Variants in SYN3 observed in about 807,000 individuals in gnomAD.
SYN3 encodes the protein synapsin-3.
Under a neutral mutation model 65.8 loss-of-function variants are expected in SYN3, and 35 were observed. The ratio of observed to expected loss-of-function variants is 0.53; its 90% CI spans 0.41 to 0.70. The LOEUF (loss-of-function observed/expected upper bound fraction) is 0.70. SYN3 is among the 30% of genes least tolerant of loss of function. The pLI is 0.00. For synonymous variants in SYN3, 270 were observed against 292.9 expected, an observed-to-expected ratio of 0.92 and a Z score of 0.80; for missense variants, 680 against 749.0, an observed-to-expected ratio of 0.91 and a Z score of 1.08.
chr22:32,732,930 C>A (rs1203955025), intron 6 of SYN3, among the ~76,000 whole-genome samples: 1 of 152,098 alleles, frequency 6.6e-6, no homozygotes, highest in African/African-American at 2.4e-5. Flanking sequence ...TGGAAAAAAT[C>A]AAAACAAGAC....
chr22:32,527,849 G>GCAT, intron 12 of SYN3, 69 bp downstream of exon 12: 4 of 1,347,418 alleles, frequency 3.0e-6, no homozygotes, highest in Non-Finnish European at 4.1e-6. Flanking sequence ...GGAATCACAT[G>GCAT]TGGATCCCTC....
chr22:32,890,679 C>T (rs750737724), intron 4 of SYN3, among the ~76,000 whole-genome samples: 3 of 151,906 alleles, frequency 2.0e-5, no homozygotes, highest in Non-Finnish European at 4.4e-5. Context: ...CGCGCCCGGC[C>T]GATTTAGCAC....
chr22:32,781,032 T>G (rs1011949485), intron 6 of SYN3, among the ~76,000 whole-genome samples: 1 of 147,318 alleles, frequency 6.8e-6, no homozygotes, highest in South Asian at 2.2e-4. Context: ...TCTCTCTTTT[T>G]TCTTTCTTTC....
intron 6 of SYN3, among the ~76,000 whole-genome samples, chr22:32,714,124 A>G (rs534176101): frequency 1.3e-5 from 2 of 152,290 alleles, no homozygotes; most frequent in East Asian, 3.9e-4. Context: ...TAGCTTTTCC[A>G]TGGAAAAGTG....
Position 32,518,251 on chromosome 22 carries a change from G to A in SYN3, c.1402C>T (p.Pro468Ser). 6.2e-7 allele frequency: 1 copy of A among 1,613,348 alleles called. No individual in the cohort carries two copies. Among genetic ancestry groups the A allele is most frequent in the Non-Finnish European group, 8.5e-7 (1 of 1,179,664 alleles). The part of the protein sequence containing the change: ...QQRLSPQGQQ[P>S]LSPQSGSPQQ... ...GGAGATCCGGACTGGGGGCTCAGGG[G>A]CTGCTGGCCTTGTGGGGAGAGCCTC... The change falls in exon 13 of 14, where the codon CCC becomes TCC. Residue 468 changes from proline (P) to serine (S), a missense_variant. By Grantham distance (74) the Pro-to-Ser change is moderately conservative. Coordinates refer to ENST00000358763, the MANE Select transcript of SYN3 (RefSeq NM_003490.4).
At chr22:32,619,505 C>G (rs1408005365) in intron 6 of SYN3, among the ~76,000 whole-genome samples, 1 of 152,144 alleles carries the variant, frequency 6.6e-6, no homozygotes, top group Non-Finnish European at 1.5e-5. Context: ...TCTGGAGGGT[C>G]TAGGACAAAC....
chr22:32,747,229 T>C (rs1335736491), intron 6 of SYN3, among the ~76,000 whole-genome samples: 1 of 152,154 alleles, frequency 6.6e-6, no homozygotes, highest in African/African-American at 2.4e-5. Flanking sequence ...CGAAGTGACT[T>C]GCCAGAAGTC....
chr22:32,908,116 C>T (rs1457217188), intron 4 of SYN3, among the ~76,000 whole-genome samples: 4 of 151,420 alleles, frequency 2.6e-5, no homozygotes, highest in African/African-American at 7.3e-5. Flanking sequence ...GACAGAGTCG[C>T]ACTCTGTCCT....
At chr22:32,884,584 C>A (rs925664154) in intron 4 of SYN3, among the ~76,000 whole-genome samples, 1 of 152,120 alleles carries the variant, frequency 6.6e-6, no homozygotes, top group Non-Finnish European at 1.5e-5. Context: ...AGCATATCTT[C>A]AAAATCATTT....
At chr22:32,533,038 C>T (rs1349683821) in intron 10 of SYN3, among the ~76,000 whole-genome samples, 1 of 150,920 alleles carries the variant, frequency 6.6e-6, no homozygotes, top group Non-Finnish European at 1.5e-5. Flanking sequence ...GTGAGAGACA[C>T]TGGGAAGACA....
intron 6 of SYN3, chr22:32,861,757 T>C (rs1169757774): frequency 6.6e-6 from 1 of 152,596 alleles, no homozygotes; most frequent in Non-Finnish European, 1.5e-5. Flanking sequence ...GGTTTTGAGC[T>C]TTCTATAAGC....
At chr22:33,034,879 G>A (rs146548100) in intron 1 of SYN3, among the ~76,000 whole-genome samples, 9 of 152,114 alleles carry the variant, frequency 5.9e-5, no homozygotes, top group African/African-American at 9.6e-5. Context: ...TCTGCTGCCC[G>A]GCCCTTGTGT....
chr22:33,050,623 G>C (rs1198803058), intron 1 of SYN3, among the ~76,000 whole-genome samples: 1 of 152,078 alleles, frequency 6.6e-6, no homozygotes, highest in Non-Finnish European at 1.5e-5. Flanking sequence ...TGACCTGGCT[G>C]AGCTAGTTTA....
chr22:32,869,165 G>C, intron 4 of SYN3, 40 bp from the exon 5 acceptor site: 7 of 1,594,264 alleles, frequency 4.4e-6, no homozygotes, highest in Non-Finnish European at 6.0e-6. Context: ...CTGGGACATT[G>C]ATGAAACACC....
intron 6 of SYN3, among the ~76,000 whole-genome samples, chr22:32,721,899 C>T (rs918921216): frequency 1.3e-5 from 2 of 152,174 alleles, no homozygotes; most frequent in Non-Finnish European, 2.9e-5. Context: ...GAACTGGAAC[C>T]TGACTGATGA....
chr22:32,639,530 A>G (rs890949919), intron 6 of SYN3, among the ~76,000 whole-genome samples: 2 of 151,976 alleles, frequency 1.3e-5, no homozygotes, highest in African/African-American at 4.8e-5. Flanking sequence ...TTGTGAATTA[A>G]GTTCCTTTTC....
chr22:32,656,585 A>C (rs1280279198), intron 6 of SYN3, among the ~76,000 whole-genome samples: 3 of 152,196 alleles, frequency 2.0e-5, no homozygotes, highest in Non-Finnish European at 4.4e-5. Context: ...TCAATGTTTA[A>C]CATTCAGAGT....
At chr22:32,719,645 C>G (rs1429943342) in intron 6 of SYN3, among the ~76,000 whole-genome samples, 2 of 152,088 alleles carry the variant, frequency 1.3e-5, no homozygotes, top group Non-Finnish European at 2.9e-5. Context: ...GAGTTCAAGG[C>G]CAGTCTGAGC....
At chr22:32,741,328 A>C (rs2147392522) in intron 6 of SYN3, among the ~76,000 whole-genome samples, 1 of 148,698 alleles carries the variant, frequency 6.7e-6, no homozygotes, top group South Asian at 2.2e-4. Context: ...AGACCCAAGC[A>C]TTCTGGCTCT....
Sources: gnomAD v4.1 joint callset for allele counts (sites outside exome capture counted in the v4.1 genomes callset) on GRCh38, gnomAD v4.1.1 for gene constraint, MANE v1.5 for transcripts, NCBI Gene and HGNC (gene_info 2026-07-23, HGNC 2026-07-21) for gene names.